Variants in SLC35F4 observed in about 807,000 individuals in gnomAD.
SLC35F4 encodes the protein solute carrier family 35 member F4.
SLC35F4 carries 24 observed loss-of-function variants against 44.2 expected under a neutral mutation model. That is an observed-to-expected ratio of 0.54 (90% CI 0.39 to 0.76). The LOEUF (loss-of-function observed/expected upper bound fraction) is 0.76. Among genes scored for constraint, SLC35F4 ranks in the 30% least tolerant of loss-of-function variants. The probability of loss-of-function intolerance (pLI) is 0.00; values close to 1 mark genes in which losing one functional copy is unlikely to be tolerated. For missense variants in SLC35F4, 562 were observed against 586.1 expected (o/e 0.96, Z 0.42); for synonymous variants, 238 against 223.6 (o/e 1.06, Z -0.57).
rs1385919948 is a variant in SLC35F4 at position 57,564,178 on chromosome 14, C to A, written c.1415G>T (p.Gly472Val). 3 of 1,613,612 alleles carry A rather than the reference C, an allele frequency of 1.9e-6. No individual in the cohort carries two copies. Among genetic ancestry groups the A allele is most frequent in the African/African-American group, 2.7e-5 (2 of 74,908 alleles). Residue 472 changes from glycine (G) to valine (V), a missense_variant, in exon 8 of 8, where the codon GGC becomes GTC. Coordinates refer to ENST00000556826, the MANE Select transcript of SLC35F4 (RefSeq NM_001306087.2). ...DVTDPSIHLR[G>V]RGRANGTVSI... ...CACTGTCCCATTGGCTCTGCCTCTG[C>A]CCCGCAGGTGTATGCTGGGATCAGT...
At chr14:57,937,588 AAG>A (rs1491202827) in intron 1 of SLC35F4, among the ~76,000 whole-genome samples, 1 of 13,684 alleles carries the variant, frequency 7.3e-5, no homozygotes, top group African/African-American at 4.0e-4. Context: ...AAAGAAAAGA[AAG>A]AAAAGAAAAG....
chr14:57,596,778 A>G (rs1327388730), intron 1 of SLC35F4: 1 of 1,366,190 alleles, frequency 7.3e-7, no homozygotes, highest in East Asian at 4.6e-5. Flanking sequence ...TCACTAAAAT[A>G]TTATGTCCTG....
At chr14:57,592,326 T>A (rs1874012618) in intron 2 of SLC35F4, among the ~76,000 whole-genome samples, 2 of 152,240 alleles carry the variant, frequency 1.3e-5, no homozygotes, top group Admixed American at 6.5e-5. Flanking sequence ...AGGATTTATT[T>A]TGAGATTAAG....
At chr14:57,600,212 G>A (rs1238184473) in intron 1 of SLC35F4, among the ~76,000 whole-genome samples, 1 of 152,080 alleles carries the variant, frequency 6.6e-6, no homozygotes, top group Non-Finnish European at 1.5e-5. Context: ...CATAAAACTA[G>A]CGCTATTTTC....
At chr14:57,590,452 C>A (rs575929576) in intron 2 of SLC35F4, among the ~76,000 whole-genome samples, 1 of 152,166 alleles carries the variant, frequency 6.6e-6, no homozygotes, top group South Asian at 2.1e-4. Flanking sequence ...TAGAGCAAGT[C>A]CTGACTACAC....
At chr14:57,765,819 A>T (rs1246492345) in intron 1 of SLC35F4, among the ~76,000 whole-genome samples, 1 of 152,178 alleles carries the variant, frequency 6.6e-6, no homozygotes, top group East Asian at 1.9e-4. Flanking sequence ...TTTGATAGGA[A>T]GTGGGGTATG....
intron 1 of SLC35F4, among the ~76,000 whole-genome samples, chr14:57,702,859 T>C (rs959131070): frequency 5.7e-4 from 87 of 152,182 alleles, no homozygotes; most frequent in Non-Finnish European, 8.1e-4. Flanking sequence ...CTGTAGGCTA[T>C]AAAATAAAGG....
chr14:57,730,930 C>A (rs191716073), intron 1 of SLC35F4, among the ~76,000 whole-genome samples: 6 of 152,276 alleles, frequency 3.9e-5, no homozygotes, highest in African/African-American at 1.2e-4. Context: ...AGATACACGG[C>A]TTCTCAGAAT....
intron 1 of SLC35F4, among the ~76,000 whole-genome samples, chr14:57,727,949 A>G (rs10133469): frequency 0.4 from 60,191 of 151,992 alleles, 11,976 homozygotes; most frequent in Middle Eastern, 0.43. Flanking sequence ...GATTTTCTGT[A>G]TGGGAGATCT....
chr14:57,785,933 A>T (rs558620052), intron 1 of SLC35F4, among the ~76,000 whole-genome samples: 1 of 152,222 alleles, frequency 6.6e-6, no homozygotes, highest in Non-Finnish European at 1.5e-5. Flanking sequence ...AACCTGGGGG[A>T]GGGCGCAAAT....
chr14:57,966,542 TATA>T (rs1890441579), intron 1 of SLC35F4, among the ~76,000 whole-genome samples: 1 of 152,158 alleles, frequency 6.6e-6, no homozygotes, highest in Admixed American at 6.5e-5. Flanking sequence ...ATAAAAGGAA[TATA>T]ATATTATATC....
At chr14:57,830,889 C>A (rs142174328) in intron 1 of SLC35F4, among the ~76,000 whole-genome samples, 5 of 152,282 alleles carry the variant, frequency 3.3e-5, no homozygotes, top group African/African-American at 1.2e-4. Flanking sequence ...GAACACAGTG[C>A]CCATTTCTGC....
chr14:57,956,714 G>A (rs889940006), intron 1 of SLC35F4, among the ~76,000 whole-genome samples: 1 of 152,158 alleles, frequency 6.6e-6, no homozygotes, highest in Non-Finnish European at 1.5e-5. Flanking sequence ...CTGGTCATTA[G>A]AGAAAAACAA....
At chr14:57,708,332 A>G (rs990233732) in intron 1 of SLC35F4, among the ~76,000 whole-genome samples, 6 of 152,162 alleles carry the variant, frequency 3.9e-5, no homozygotes, top group African/African-American at 1.4e-4. Context: ...CCACCAAATT[A>G]TCTTTAAAAA....
chr14:57,685,803 CTT>C (rs2075049579), intron 1 of SLC35F4, among the ~76,000 whole-genome samples: 1 of 152,154 alleles, frequency 6.6e-6, no homozygotes, highest in African/African-American at 2.4e-5. Flanking sequence ...TTGTTAGAGA[CTT>C]TTCAAAATTT....
Position 57,571,947 on chromosome 14 carries a change from T to G in SLC35F4, c.880A>C (p.Ile294Leu). 6.2e-7 allele frequency: 1 copy of G among 1,612,758 alleles called. No individual in the cohort carries two copies. ...CCCACCGCAAATGCCACTCCTATGATGGAATCAGCGTGGAAATTATCTGCA... is the reference window on the plus strand; with the variant it reads ...CCCACCGCAAATGCCACTCCTATGAGGGAATCAGCGTGGAAATTATCTGCA... ...AYADNFHADS[I>L]IGVAFAVGSA... is the part of the protein sequence containing the mutation. The change falls in exon 5 of 8, where the codon ATC becomes CTC. Residue 294 changes from isoleucine to leucine, a missense_variant. Ile to Leu is a conservative substitution (Grantham distance 5). Transcript: ENST00000556826.
chr14:57,702,099 A>G (rs141831035), intron 1 of SLC35F4, among the ~76,000 whole-genome samples: 5 of 152,280 alleles, frequency 3.3e-5, no homozygotes, highest in African/African-American at 7.2e-5. Context: ...ACAGGAAAAC[A>G]AACTTCTGCA....
intron 1 of SLC35F4, among the ~76,000 whole-genome samples, chr14:57,708,114 C>G (rs2075723760): frequency 6.6e-6 from 1 of 152,194 alleles, no homozygotes; most frequent in African/African-American, 2.4e-5. Context: ...GATAACATGA[C>G]TATTGTAAAA....
At chr14:57,652,912 AAC>A (rs1297757591) in intron 1 of SLC35F4, among the ~76,000 whole-genome samples, 1 of 152,144 alleles carries the variant, frequency 6.6e-6, no homozygotes, top group Non-Finnish European at 1.5e-5. Flanking sequence ...TCTAATCCAA[AAC>A]AGTTTCACTA....
Sources: gnomAD v4.1 joint callset for allele counts (sites outside exome capture counted in the v4.1 genomes callset) on GRCh38, gnomAD v4.1.1 for gene constraint, MANE v1.5 for transcripts, NCBI Gene and HGNC (gene_info 2026-07-23, HGNC 2026-07-21) for gene names.